Variants in STK38L observed in about 807,000 individuals in gnomAD.
STK38L encodes serine/threonine kinase 38 like.
STK38L carries 28 observed loss-of-function variants against 59.7 expected under a neutral mutation model. The ratio of observed to expected loss-of-function variants is 0.47; its 90% confidence interval spans 0.35 to 0.64. The LOEUF (loss-of-function observed/expected upper bound fraction) is 0.64, where lower values mean the gene tolerates loss of function less well. STK38L is among the 30% of genes least tolerant of loss of function. The pLI is 0.01. For missense variants in STK38L, 314 were observed against 555.8 expected, an observed-to-expected ratio of 0.56 and a Z score of 4.37; for synonymous variants, 162 against 176.8, an observed-to-expected ratio of 0.92 and a Z score of 0.66.
At chr12:27,317,513 G>C in intron 10 of STK38L, 60 bp downstream of exon 10, 1 of 1,307,472 alleles carries the variant, frequency 7.6e-7, no homozygotes, top group Non-Finnish European at 1.1e-6. Context: ...GCCATTGTTT[G>C]AACATATTAC....
In STK38L at chr12:27,311,008, T is replaced by C. The variant is rs1171230357; in HGVS notation, c.394-1541T>C. Among the ~76,000 whole-genome samples, 3 of 152,236 alleles carry C rather than the reference T, an allele frequency of 2.0e-5. No homozygotes were observed. In the East Asian group the frequency reaches 5.8e-4, roughly 29 times the overall value. ...TGCAAACCACCCCCACAAAATTAAATACCAACTGATCTCCTCACTGTTGTT... is the reference window on the plus strand; with the variant it reads ...TGCAAACCACCCCCACAAAATTAAACACCAACTGATCTCCTCACTGTTGTT... On this transcript the variant is annotated intron_variant, in intron 5 of 13. Coordinates refer to ENST00000389032, the MANE Select transcript of STK38L (RefSeq NM_015000.4).
chr12:27,259,445 T>A (rs1591852126), intron 1 of STK38L, among the ~76,000 whole-genome samples: 1 of 152,144 alleles, frequency 6.6e-6, no homozygotes, highest in African/African-American at 2.4e-5. Context: ...ACGCGCCACT[T>A]TTTGCTGTCG....
chr12:27,250,820 C>G (rs996151270), intron 1 of STK38L, among the ~76,000 whole-genome samples: 1 of 151,666 alleles, frequency 6.6e-6, no homozygotes, highest in Non-Finnish European at 1.5e-5. Context: ...CTAACATGGC[C>G]AAACCTCGTC....
intron 12 of STK38L, 97 bp from the exon 13 acceptor site, chr12:27,322,046 A>G (rs1207541741): frequency 6.7e-6 from 7 of 1,049,158 alleles, no homozygotes; most frequent in Admixed American, 2.5e-5. Context: ...ATTTTCTAGT[A>G]TCTGTAGAAT....
At chr12:27,280,620 T>G (rs1943633371) in intron 1 of STK38L, among the ~76,000 whole-genome samples, 1 of 152,202 alleles carries the variant, frequency 6.6e-6, no homozygotes, top group African/African-American at 2.4e-5. Context: ...TGTGATGGCA[T>G]CTTCGCCAGG....
intron 6 of STK38L, 31 bp from the exon 7 acceptor site, chr12:27,314,473 A>G (rs1944536886): frequency 6.9e-7 from 1 of 1,453,588 alleles, no homozygotes; most frequent in Non-Finnish European, 9.1e-7. Flanking sequence ...GGCATTTTCA[A>G]TAATAATATA....
At position 27,323,844 on chromosome 12, in the gene STK38L, G is replaced by C. The variant is rs1295172442; in HGVS notation, c.*1389G>C. ...TTTTAATTCTAATTCAAACAACTCTGAGGTTTTGGTTTCATTAGTAATAGT... is the reference window on the plus strand; with the variant it reads ...TTTTAATTCTAATTCAAACAACTCTCAGGTTTTGGTTTCATTAGTAATAGT... On this transcript the variant is annotated 3_prime_UTR_variant, in exon 14 of 14. Transcript: ENST00000389032. 2.6e-5 allele frequency: 4 copies of C among 152,054 alleles called. No individual in the cohort carries two copies. Among genetic ancestry groups the C allele is most frequent in the Non-Finnish European group, 5.9e-5 (4 of 67,950 alleles). The allele number at this position is 152,054 out of a possible 1,614,324, so 9.4% of individuals were successfully genotyped here. A position where few individuals can be genotyped will look rare whatever the true frequency, so the allele number is the denominator to read the frequency against.
chr12:27,288,383 T>A (rs1159588247), intron 1 of STK38L, among the ~76,000 whole-genome samples: 1 of 152,106 alleles, frequency 6.6e-6, no homozygotes, highest in Non-Finnish European at 1.5e-5. Flanking sequence ...ATAACAAAAG[T>A]GAAAAATATA....
intron 1 of STK38L, among the ~76,000 whole-genome samples, chr12:27,253,119 A>G (rs1468256486): frequency 6.6e-6 from 1 of 152,220 alleles, no homozygotes; most frequent in Non-Finnish European, 1.5e-5. Flanking sequence ...CATGCCACGC[A>G]GAGGGATTAG....
chr12:27,247,594 T>G (rs754857769), intron 1 of STK38L, among the ~76,000 whole-genome samples: 2 of 152,230 alleles, frequency 1.3e-5, no homozygotes, highest in Non-Finnish European at 2.9e-5. Context: ...CTATAAGTAC[T>G]CATAAGAACT....
At chr12:27,260,628 T>C (rs898953993) in intron 1 of STK38L, among the ~76,000 whole-genome samples, 1 of 152,184 alleles carries the variant, frequency 6.6e-6, no homozygotes, top group Non-Finnish European at 1.5e-5. Context: ...TTACCATACA[T>C]GCTGTGTGGT....
At chr12:27,246,841 A>C (rs1210263044) in intron 1 of STK38L, among the ~76,000 whole-genome samples, 5 of 152,178 alleles carry the variant, frequency 3.3e-5, no homozygotes, top group African/African-American at 1.2e-4. Context: ...GAGAAATGAA[A>C]GGCAACAGTG....
intron 1 of STK38L, among the ~76,000 whole-genome samples, chr12:27,290,279 A>T (rs973891770): frequency 3.9e-5 from 6 of 152,186 alleles, no homozygotes; most frequent in African/African-American, 1.2e-4. Flanking sequence ...TAATTTGCCT[A>T]AAGTGACACA....
intron 12 of STK38L, among the ~76,000 whole-genome samples, chr12:27,320,384 A>C (rs1461734): frequency 0.4 from 59,287 of 148,794 alleles, 11,998 homozygotes; most frequent in Admixed American, 0.48. Context: ...CCCCCACCTC[A>C]TCCCCGCAAG....
At chr12:27,311,723 A>C (rs1944457892) in intron 5 of STK38L, among the ~76,000 whole-genome samples, 1 of 149,586 alleles carries the variant, frequency 6.7e-6, no homozygotes, top group Non-Finnish European at 1.5e-5. Context: ...TAGAGGTTTT[A>C]TATTATAACA....
At chr12:27,275,716 A>C (rs1943521415) in intron 1 of STK38L, among the ~76,000 whole-genome samples, 2 of 152,230 alleles carry the variant, frequency 1.3e-5, no homozygotes, top group South Asian at 4.1e-4. Flanking sequence ...ACTGCCTGGC[A>C]CATAGTATGC....
rs1944053609 is a variant in STK38L, at chr12:27,297,500, T to G, written c.-11-210T>G. On this transcript the variant is annotated intron_variant, in intron 1 of 13. Coordinates refer to ENST00000389032, the MANE Select transcript of STK38L (RefSeq NM_015000.4). ...CTTCTTTGCTGTCATTAACTCCTGG[T>G]TTTGCCACCACAATATGAATTTCTC... Among the ~76,000 whole-genome samples the G allele has an allele frequency of 2.0e-5, 3 of 152,232 alleles. No homozygotes were observed. The South Asian group carries it at 6.2e-4, about 32-fold the overall frequency.
At chr12:27,297,665 G>C (rs1401724784) in intron 1 of STK38L, 45 bp from the exon 2 acceptor site, 2 of 1,563,286 alleles carry the variant, frequency 1.3e-6, no homozygotes, top group Non-Finnish European at 8.7e-7. Context: ...AAAAGATAGG[G>C]GTTTTTTTTC....
rs368641992 is a variant in STK38L at position 27,310,513 on chromosome 12, A to G, written c.393+1316A>G. On this transcript the variant is annotated intron_variant, in intron 5 of 13. Transcript: ENST00000389032. The stretch of plus-strand genomic sequence containing the variant: ...AGATACCAGCCAGCCACATGTGGCT[A>G]CTGGGCACAAATTGGGATATCCAGC... 8.8e-4 allele frequency among the ~76,000 whole-genome samples: 134 copies of G among 152,278 alleles called. 2 individuals are homozygous for G. In the South Asian group the frequency reaches 0.023, roughly 26 times the overall value.
Sources: gnomAD v4.1 joint callset for allele counts (sites outside exome capture counted in the v4.1 genomes callset) on GRCh38, gnomAD v4.1.1 for gene constraint, MANE v1.5 for transcripts, NCBI Gene and HGNC (gene_info 2026-07-23, HGNC 2026-07-21) for gene names.